Variants in SHE observed in about 807,000 individuals in gnomAD.
SHE encodes Src homology 2 domain containing E, also known as SH2 domain-containing adapter protein E.
Under a neutral mutation model 49.8 loss-of-function variants are expected in SHE, and 11 were observed. The observed-to-expected ratio is 0.22, with a 90% confidence interval of 0.14 to 0.37. The LOEUF (loss-of-function observed/expected upper bound fraction) is 0.37. SHE is among the 10% of genes least tolerant of loss of function. The pLI is 1.00. For synonymous variants in SHE, 310 were observed against 278.1 expected (o/e 1.11, Z -1.14); for missense variants, 624 against 655.5 (o/e 0.95, Z 0.52).
intron 2 of SHE, among the ~76,000 whole-genome samples, chr1:154,493,565 C>T (rs1692434610): frequency 1.3e-5 from 2 of 152,220 alleles, no homozygotes; most frequent in African/African-American, 4.8e-5. Context: ...TGAAGCTCAG[C>T]ACTGACCTGC....
At chr1:154,487,343 T>TCA (rs1692210642) in intron 3 of SHE, among the ~76,000 whole-genome samples, 1 of 150,410 alleles carries the variant, frequency 6.6e-6, no homozygotes, top group Admixed American at 6.6e-5. Context: ...TAGTTACAGG[T>TCA]AATGAATCCT....
At chr1:154,492,853 T>C (rs530181283) in intron 2 of SHE, among the ~76,000 whole-genome samples, 1 of 152,300 alleles carries the variant, frequency 6.6e-6, no homozygotes, top group Admixed American at 6.5e-5. Flanking sequence ...CTTGCTGCAA[T>C]TCTGCCCCAG....
chr1:154,483,001 A>G lies in SHE; in HGVS notation c.*1148T>C, dbSNP rs563840945. 8.1e-6 allele frequency: 8 copies of G among 984,784 alleles called. No individual in the cohort carries two copies. In the South Asian group the frequency reaches 2.8e-4, roughly 35 times the overall value. 61.0% of individuals were successfully genotyped at this position (984,784 alleles called of 1,614,324 possible). On this transcript the variant is annotated 3_prime_UTR_variant, in exon 6 of 6. Transcript: ENST00000304760. ...ATGCCCAATGATGATGAAACAAAAG[A>G]CATCGAAGTTCTATGTAATTAATTC...
rs1476848126 is a variant in SHE at position 154,485,866 on chromosome 1, A to T, written c.1301+77T>A. ...CACCCCTGTGAAACACCTTCACAGT[A>T]TGTTTTTTTTGACTAGAAGACTGTC... On this transcript the variant is annotated intron_variant, in intron 5 of 5. Transcript: ENST00000304760. 5.2e-6 allele frequency: 8 copies of T among 1,548,070 alleles called. No individual in the cohort carries two copies. In the East Asian group the frequency reaches 1.4e-4, roughly 26 times the overall value.
chr1:154,474,730 C>A (rs144863683), downstream of SHE, among the ~76,000 whole-genome samples: 12 of 152,196 alleles, frequency 7.9e-5, no homozygotes, highest in African/African-American at 2.9e-4. Context: ...GTCTTGAACT[C>A]CTGACCTCAA....
intron 1 of SHE, among the ~76,000 whole-genome samples, chr1:154,473,946 T>C (rs1691814943): frequency 6.6e-6 from 1 of 152,236 alleles, no homozygotes; most frequent in Non-Finnish European, 1.5e-5. Flanking sequence ...GAGGCTTATA[T>C]TGAAGATGGT....
At chr1:154,493,094 A>AT (rs1692417890) in intron 2 of SHE, among the ~76,000 whole-genome samples, 1 of 152,222 alleles carries the variant, frequency 6.6e-6, no homozygotes, top group Admixed American at 6.5e-5. Context: ...AGGTCCTTCT[A>AT]TTTAGACAGT....
In SHE at chr1:154,483,809, C is replaced by T. The variant is rs547485123; in HGVS notation, c.*340G>A. On this transcript the variant is annotated 3_prime_UTR_variant, in exon 6 of 6. Coordinates refer to ENST00000304760, the MANE Select transcript of SHE (RefSeq NM_001010846.3). ...GAGTTTGAGACCAGCCTGACGAAGA[C>T]GGCGAAACCCCATCTCTACTAAAAA... 72 of 876,890 alleles carry T rather than the reference C, an allele frequency of 8.2e-5. No homozygotes were observed. In the South Asian group the frequency reaches 2.0e-3, roughly 24 times the overall value. The allele number at this position is 876,890 out of a possible 1,614,324, so 54.3% of individuals were successfully genotyped here. A position where few individuals can be genotyped will look rare whatever the true frequency, so the allele number is the denominator to read the frequency against.
chr1:154,491,505 C>A (rs1481558806), intron 2 of SHE, among the ~76,000 whole-genome samples: 1 of 152,224 alleles, frequency 6.6e-6, no homozygotes, highest in East Asian at 1.9e-4. Flanking sequence ...TTCTCTGATA[C>A]CCCACAAAGT....
chr1:154,500,880 G>T (rs1392692808), intron 1 of SHE, among the ~76,000 whole-genome samples: 1 of 152,182 alleles, frequency 6.6e-6, no homozygotes, highest in African/African-American at 2.4e-5. Flanking sequence ...AAATGCCCAT[G>T]GAATGAATGA....
At chr1:154,471,417 GA>G (rs957415031) in intron 1 of SHE, among the ~76,000 whole-genome samples, 1 of 151,724 alleles carries the variant, frequency 6.6e-6, no homozygotes, top group African/African-American at 2.4e-5. Context: ...CTACAAAAAA[GA>G]AAAAAAATTA....
chr1:154,500,325 A>G (rs907225083), intron 1 of SHE, among the ~76,000 whole-genome samples: 3 of 152,166 alleles, frequency 2.0e-5, no homozygotes, highest in Admixed American at 6.5e-5. Context: ...GGACCACTGA[A>G]TAACATATGA....
chr1:154,479,004 TAGG>T (rs1263951960), downstream of SHE, among the ~76,000 whole-genome samples: 2 of 152,216 alleles, frequency 1.3e-5, no homozygotes, highest in Non-Finnish European at 2.9e-5. Context: ...CATTTCCAAA[TAGG>T]AGCTTCCAAC....
intron 1 of SHE, among the ~76,000 whole-genome samples, chr1:154,471,480 C>T (rs1431676939): frequency 3.3e-5 from 5 of 152,064 alleles, no homozygotes; most frequent in Non-Finnish European, 5.9e-5. Flanking sequence ...GAGGGTGAGG[C>T]GGGAGGATTG....
At chr1:154,475,223 T>C (rs1292171852), downstream of SHE, among the ~76,000 whole-genome samples, 8 of 152,120 alleles carry the variant, frequency 5.3e-5, no homozygotes, top group East Asian at 1.4e-3. Context: ...TTTCACTCTT[T>C]TTGCCCAGGC....
In SHE at chr1:154,502,351, C is replaced by G. The variant is rs547857946; in HGVS notation, c.-325G>C. 2.1e-3 allele frequency: 343 copies of G among 166,804 alleles called. 4 individuals are homozygous for G. The highest frequency in any genetic ancestry group is 3.7e-3 in the Non-Finnish European group (288 of 77,464). 10.3% of individuals were successfully genotyped at this position (166,804 alleles called of 1,614,324 possible). A position where few individuals can be genotyped will look rare whatever the true frequency, so the allele number is the denominator to read the frequency against. ...GAAGCCCCCTGCGGCCCAGCCCACG[C>G]TCCCAGGGACCAGAGAGGACCGAGC... is the stretch of plus-strand genomic sequence containing the variant. On this transcript the variant is annotated 5_prime_UTR_variant, in exon 1 of 6. Coordinates refer to ENST00000304760, the MANE Select transcript of SHE (RefSeq NM_001010846.3).
chr1:154,486,668 G>A lies in SHE; in HGVS notation c.1040C>T (p.Ala347Val), dbSNP rs1692190137. 3.7e-6 allele frequency: 6 copies of A among 1,614,092 alleles called. No homozygotes were observed. In the South Asian group the frequency reaches 5.5e-5, roughly 15 times the overall value. Residue 347 changes from alanine to valine, a missense_variant, in exon 4 of 6, where the codon GCT becomes GTT. Ala to Val is a moderately conservative substitution (Grantham distance 64, BLOSUM62 0). This residue lies in a region of SHE where 155 missense variants were observed against 142.0 expected (regional missense o/e 1.09). Transcript: ENST00000304760. ...CTCCTCCCTGAAGGAAGGTCGCTCA[G>A]CTCCTTCAAACTGGACTGGAAGGAA... ...VRALSVQFEG[A>V]ERPSFREETV...
At position 154,489,342 on chromosome 1, in the gene SHE, C is replaced by A; in HGVS notation, c.733G>T (p.Gly245Cys). ...GCCTTCACCAGGGGATCTTTGGAACCCCGTCGTCTAATTTCTGAAAAACAC... is the reference window on the plus strand; with the variant it reads ...GCCTTCACCAGGGGATCTTTGGAACACCGTCGTCTAATTTCTGAAAAACAC... ...QQMITEIRRR[G>C]SKDPLVKALQ... Residue 245 changes from glycine (G) to cysteine (C), a missense_variant, in exon 3 of 6, where the codon GGT becomes TGT. Around this residue, in one of 4 missense-constraint regions of SHE, gnomAD observed 155 missense variants for 142.0 expected, o/e 1.09. Coordinates refer to ENST00000304760, the MANE Select transcript of SHE (RefSeq NM_001010846.3). 6.2e-7 allele frequency: 1 copy of A among 1,612,712 alleles called. No homozygotes were observed. The highest frequency in any genetic ancestry group is 8.5e-7 in the Non-Finnish European group (1 of 1,179,404).
rs775192360 is a variant in SHE at position 154,489,130 on chromosome 1, G to A, written c.945C>T (p.Pro315=). 34 of 1,613,580 alleles carry A rather than the reference G, an allele frequency of 2.1e-5. No individual in the cohort carries two copies. Among genetic ancestry groups the A allele is most frequent in the Middle Eastern group, 1.6e-4 (1 of 6,080 alleles). Residue 315 remains proline, a synonymous_variant, in exon 3 of 6, where the codon CCC becomes CCT. Transcript: ENST00000304760. ...GKARPPDSRL[P]ENDERPAAEY... ...CTGCCGCGGGCCTCTCGTCGTTCTC[G>A]GGCAGCCGGCTGTCTGGGGGCCGCG...
Sources: allele counts gnomAD v4.1 joint callset (sites outside exome capture counted in the v4.1 genomes callset), GRCh38; gene constraint gnomAD v4.1.1; regional missense constraint gnomAD v4.1.1; transcripts MANE v1.5; gene names NCBI Gene and HGNC (gene_info 2026-07-23, HGNC 2026-07-21).